The following EPS8 variants were observed in gnomAD, a reference collection of about 807,000 sequenced individuals.
EPS8 encodes EGFR pathway substrate 8, signaling adaptor.
Under a neutral mutation model 103.8 loss-of-function variants are expected in EPS8, and 42 were observed. The observed-to-expected ratio is 0.40, with a 90% CI of 0.32 to 0.52. The LOEUF (loss-of-function observed/expected upper bound fraction) is 0.52, where lower values mean the gene tolerates loss of function less well. Ranked by LOEUF, EPS8 falls within the 20% of genes least tolerant of loss-of-function variation. The pLI is 0.40. For synonymous variants in EPS8, 344 were observed against 344.6 expected (o/e 1.00, Z 0.02); for missense variants, 969 against 1,005.1 (o/e 0.96, Z 0.49).
Position 15,721,219 on chromosome 12 carries a change from A to T in EPS8, c.-21-38247T>A, listed in dbSNP as rs1210828755. 6.6e-6 allele frequency among the ~76,000 whole-genome samples: 1 copy of T among 152,216 alleles called. No homozygotes were observed. The highest frequency in any genetic ancestry group is 2.4e-5 in the African/African-American group (1 of 41,456). ...CACAAATACCACAACAGAGTAACTC[A>T]AACTTTTCCCATTCACAATCTGTAG... On this transcript the variant is annotated intron_variant, in intron 1 of 20. Transcript: ENST00000281172. This position sits in a 1 kb window ranked among gnomAD's most constrained non-coding sequence, Gnocchi z 4.4.
Position 15,666,647 on chromosome 12 carries a change from T to C in EPS8, c.517-125A>G, listed in dbSNP as rs1945717374. 3 of 655,158 alleles carry C rather than the reference T, an allele frequency of 4.6e-6. No individual in the cohort carries two copies. In the South Asian group the frequency reaches 6.2e-5, roughly 14 times the overall value. 40.6% of individuals were successfully genotyped at this position (655,158 alleles called of 1,614,324 possible). On this transcript the variant is annotated intron_variant, in intron 6 of 20. Coordinates refer to ENST00000281172, the MANE Select transcript of EPS8 (RefSeq NM_004447.6). ...AAGTATCTTGATGTAAAAAGTCTTT[T>C]TATAAAAATCTTGCAAAACATGACT...
rs1314107536 is a variant in EPS8, at chr12:15,747,048, A to AT, written c.-22+42112dup. 6.6e-6 allele frequency among the ~76,000 whole-genome samples: 1 copy of AT among 152,150 alleles called. No individual in the cohort carries two copies. The highest frequency in any genetic ancestry group is 2.4e-5 in the African/African-American group (1 of 41,424). Reference sequence around the variant, plus strand: ...TTTAAATCCTCAACAGTCAATACATATTTTGTACGCAGGAAGTGTTCAGAG... The same window carrying AT: ...TTTAAATCCTCAACAGTCAATACATATTTTTGTACGCAGGAAGTGTTCAGAG... On this transcript the variant is annotated intron_variant, in intron 1 of 20. Coordinates refer to ENST00000281172, the MANE Select transcript of EPS8 (RefSeq NM_004447.6). This position sits in a 1 kb window ranked among gnomAD's most constrained non-coding sequence, Gnocchi z 4.4.
At position 15,697,177 on chromosome 12, in the gene EPS8, G is replaced by A. The variant is rs1239152227; in HGVS notation, c.-21-14205C>T. Reference sequence around the variant, plus strand: ...AAAATGGCCTATAGACTGAAGAAGGGAAAACTTGAGGGACAAGCACAAACT... The same window carrying A: ...AAAATGGCCTATAGACTGAAGAAGGAAAAACTTGAGGGACAAGCACAAACT... On this transcript the variant is annotated intron_variant, in intron 1 of 20. Transcript: ENST00000281172. The surrounding 1 kb of genome is among the most constrained non-coding windows in gnomAD (Gnocchi z 5.6). Among the ~76,000 whole-genome samples the A allele has an allele frequency of 1.3e-5, 2 of 152,196 alleles. No individual in the cohort carries two copies. Among genetic ancestry groups the A allele is most frequent in the East Asian group, 3.9e-4 (2 of 5,188 alleles).
In EPS8 at chr12:15,641,378, T is replaced by TAA. The variant is rs1945226571; in HGVS notation, c.1677+343_1677+344insTT. Among the ~76,000 whole-genome samples the TAA allele has an allele frequency of 2.6e-5, 4 of 151,956 alleles. No individual in the cohort carries two copies. In the East Asian group the frequency reaches 7.8e-4, roughly 29 times the overall value. On this transcript the variant is annotated intron_variant, in intron 16 of 20. Coordinates refer to ENST00000281172, the MANE Select transcript of EPS8 (RefSeq NM_004447.6). The stretch of plus-strand genomic sequence containing the variant: ...AGGATATAGGATTAAAAAAAGAATG[T>TAA]TGTCTCTTATTGAACTATTATGTGC...
intron 1 of EPS8, among the ~76,000 whole-genome samples, chr12:15,739,667 C>G (rs1039422453): frequency 6.6e-6 from 1 of 152,144 alleles, no homozygotes; most frequent in Non-Finnish European, 1.5e-5. Context: ...CCCTGGTTCA[C>G]CATCAACTTC....
rs5796646 is a variant in EPS8, at chr12:15,745,558, CAAAA to C, written c.-22+43599_-22+43602del. 1.4e-5 allele frequency among the ~76,000 whole-genome samples: 2 copies of C among 145,254 alleles called. No individual in the cohort carries two copies. The highest frequency in any genetic ancestry group is 5.1e-5 in the African/African-American group (2 of 39,552). On this transcript the variant is annotated intron_variant, in intron 1 of 20. Coordinates refer to ENST00000281172, the MANE Select transcript of EPS8 (RefSeq NM_004447.6). This position sits in a 1 kb window ranked among gnomAD's most constrained non-coding sequence, Gnocchi z 4.6. ...CTCCAAAAATCTATGACTATGTATC[CAAAA>C]AAAAAAAAAAATTCTTTAAACCACA...
intron 13 of EPS8, among the ~76,000 whole-genome samples, chr12:15,653,741 G>A (rs1161051808): frequency 2.6e-5 from 4 of 152,270 alleles, no homozygotes; most frequent in Admixed American, 6.5e-5. Context: ...TTCCTCATCT[G>A]CAAAATAGGG....
chr12:15,725,270 CACTA>C lies in EPS8; in HGVS notation c.-21-42302_-21-42299del, dbSNP rs1946640145. ...AGCAGCAATGTGCTTTATCTCATAC[CACTA>C]ACTGTGTATCACCTGAAATCACCCT... is the stretch of plus-strand genomic sequence containing the variant. On this transcript the variant is annotated intron_variant, in intron 1 of 20. Coordinates refer to ENST00000281172, the MANE Select transcript of EPS8 (RefSeq NM_004447.6). This position sits in a 1 kb window ranked among gnomAD's most constrained non-coding sequence, Gnocchi z 4.5. Among the ~76,000 whole-genome samples the C allele has an allele frequency of 6.6e-6, 1 of 151,910 alleles. No individual in the cohort carries two copies. The highest frequency in any genetic ancestry group is 2.4e-5 in the African/African-American group (1 of 41,326).
intron 1 of EPS8, among the ~76,000 whole-genome samples, chr12:15,726,217 A>G (rs1383178336): frequency 6.6e-6 from 1 of 152,010 alleles, no homozygotes; most frequent in African/African-American, 2.4e-5. Context: ...TTTTCAGATG[A>G]AGGACATGTT....
At position 15,784,166 on chromosome 12, in the gene EPS8, A is replaced by G. The variant is rs1461468511; in HGVS notation, c.-22+4995T>C. Reference sequence around the variant, plus strand: ...TAAGTTGGCCTTATTAAAATTAAAGACATCTGTTCTGACAAAGACACTGTT... The same window carrying G: ...TAAGTTGGCCTTATTAAAATTAAAGGCATCTGTTCTGACAAAGACACTGTT... On this transcript the variant is annotated intron_variant, in intron 1 of 20. Coordinates refer to ENST00000281172, the MANE Select transcript of EPS8 (RefSeq NM_004447.6). The surrounding 1 kb of genome is among the most constrained non-coding windows in gnomAD (Gnocchi z 4.0). 6.6e-6 allele frequency among the ~76,000 whole-genome samples: 1 copy of G among 152,216 alleles called. No homozygotes were observed. Among genetic ancestry groups the G allele is most frequent in the Non-Finnish European group, 1.5e-5 (1 of 68,002 alleles).
In EPS8 at chr12:15,721,669, C is replaced by A. The variant is rs11056602; in HGVS notation, c.-21-38697G>T. 1.3e-5 allele frequency among the ~76,000 whole-genome samples: 2 copies of A among 151,980 alleles called. No individual in the cohort carries two copies. Among genetic ancestry groups the A allele is most frequent in the East Asian group, 1.9e-4 (1 of 5,170 alleles). ...AACAATCTTGTTTGCCTTTGTCTTG[C>A]GCATCAAGTTAAAAGGATTTTCCTG... is the stretch of plus-strand genomic sequence containing the variant. On this transcript the variant is annotated intron_variant, in intron 1 of 20. Coordinates refer to ENST00000281172, the MANE Select transcript of EPS8 (RefSeq NM_004447.6). The surrounding 1 kb of genome is among the most constrained non-coding windows in gnomAD (Gnocchi z 4.4).
At position 15,704,626 on chromosome 12, in the gene EPS8, A is replaced by G. The variant is rs1161624976; in HGVS notation, c.-21-21654T>C. 6.6e-6 allele frequency among the ~76,000 whole-genome samples: 1 copy of G among 152,212 alleles called. No homozygotes were observed. The highest frequency in any genetic ancestry group is 1.5e-5 in the Non-Finnish European group (1 of 68,036). On this transcript the variant is annotated intron_variant, in intron 1 of 20. Coordinates refer to ENST00000281172, the MANE Select transcript of EPS8 (RefSeq NM_004447.6). This position sits in a 1 kb window ranked among gnomAD's most constrained non-coding sequence, Gnocchi z 4.6. ...TGGGGCACAGAGATTCCATTCAGGA[A>G]GATGAAAAACTCCTAGAGATGGATG...
rs1947044139 is a variant in EPS8 at position 15,761,754 on chromosome 12, C to T, written c.-22+27407G>A. 6.6e-6 allele frequency among the ~76,000 whole-genome samples: 1 copy of T among 151,946 alleles called. No homozygotes were observed. Among genetic ancestry groups the T allele is most frequent in the Non-Finnish European group, 1.5e-5 (1 of 67,964 alleles). ...CATATCCAGAAGAAGGAAACTAGAC[C>T]CCTATCTCTCGCCACATCCAAAAAT... On this transcript the variant is annotated intron_variant, in intron 1 of 20. Coordinates refer to ENST00000281172, the MANE Select transcript of EPS8 (RefSeq NM_004447.6). The surrounding 1 kb of genome is among the most constrained non-coding windows in gnomAD (Gnocchi z 4.5).
intron 1 of EPS8, among the ~76,000 whole-genome samples, chr12:15,755,133 A>C (rs1485564137): frequency 6.6e-6 from 1 of 151,930 alleles, no homozygotes; most frequent in Non-Finnish European, 1.5e-5. Context: ...AGATGACATC[A>C]CTCATCTAGA....
chr12:15,631,473 G>T lies in EPS8; in HGVS notation c.2013C>A (p.Asp671Glu), dbSNP rs1945044106. Residue 671 changes from aspartate to glutamate, a missense_variant, in exon 18 of 21, where the codon GAC (aspartate) becomes GAA (glutamate). Asp to Glu is a conservative substitution (Grantham distance 45). Transcript: ENST00000281172. Reference protein sequence around the residue: ...SSDSGGSIVRDSQRHKQLPVD... With the variant: ...SSDSGGSIVRESQRHKQLPVD... ...CCGGAAGTTGTTTGTGTCTCTGGCT[G>T]TCTCGCACGATACTGCCACCACTGT... 6.2e-7 allele frequency: 1 copy of T among 1,614,080 alleles called. No individual in the cohort carries two copies. The highest frequency in any genetic ancestry group is 2.2e-5 in the East Asian group (1 of 44,886).
At chr12:15,670,962 A>C in intron 3 of EPS8, 39 bp from the exon 4 acceptor site, 2 of 1,483,948 alleles carry the variant, frequency 1.3e-6, no homozygotes, top group Non-Finnish European at 1.9e-6. Flanking sequence ...TTGTCCCCTA[A>C]TAGACTGAAG....
At chr12:15,708,662 A>G (rs908715913) in intron 1 of EPS8, among the ~76,000 whole-genome samples, 1 of 152,230 alleles carries the variant, frequency 6.6e-6, no homozygotes, top group Non-Finnish European at 1.5e-5. Context: ...CGCATAAGCA[A>G]AAGTGAAATT....
intron 4 of EPS8, 28 bp downstream of exon 4, chr12:15,670,828 A>C: frequency 6.5e-7 from 1 of 1,528,724 alleles, no homozygotes; most frequent in Non-Finnish European, 9.0e-7. Context: ...GGTCACTCTA[A>C]ATACTAGCAA....
Position 15,695,394 on chromosome 12 carries a change from G to T in EPS8, c.-21-12422C>A, listed in dbSNP as rs986674391. Among the ~76,000 whole-genome samples the T allele has an allele frequency of 7.9e-5, 12 of 152,212 alleles. No homozygotes were observed. The highest frequency in any genetic ancestry group is 1.6e-4 in the Non-Finnish European group (11 of 68,046). ...ATGTGCCCATCAGTGCTCTCGCACA[G>T]TCCCATACAACTTCCTAGAATAATA... On this transcript the variant is annotated intron_variant, in intron 1 of 20. Coordinates refer to ENST00000281172, the MANE Select transcript of EPS8 (RefSeq NM_004447.6). The surrounding 1 kb of genome is among the most constrained non-coding windows in gnomAD (Gnocchi z 5.0).
Sources: allele counts gnomAD v4.1 joint callset (sites outside exome capture counted in the v4.1 genomes callset), GRCh38; gene constraint gnomAD v4.1.1; non-coding constraint Gnocchi (gnomAD v3.1); transcripts MANE v1.5; gene names NCBI Gene and HGNC (gene_info 2026-07-23, HGNC 2026-07-21).